The following CCZ1 variants were observed in gnomAD, a reference collection of about 807,000 sequenced individuals.
CCZ1 encodes the protein vacuolar fusion protein CCZ1 homolog.
In CCZ1, 19 loss-of-function variants were observed where a neutral mutation model predicts 57.8. That is an observed-to-expected ratio of 0.33 (90% CI 0.23 to 0.48). CCZ1 has a LOEUF of 0.48. Ranked by LOEUF, CCZ1 falls within the 20% of genes least tolerant of loss-of-function variation. CCZ1 has a pLI of 0.99. For synonymous variants in CCZ1, 81 were observed against 167.0 expected (o/e 0.49, Z 3.97); for missense variants, 200 against 492.0 (o/e 0.41, Z 5.61).
rs1193542913 is a variant in CCZ1, at chr7:5,901,648, C to T, written c.391-9C>T. The T allele has an allele frequency of 6.9e-6, 11 of 1,594,840 alleles. No homozygotes were observed. Among genetic ancestry groups the T allele is most frequent in the Middle Eastern group, 1.7e-4 (1 of 6,046 alleles). On this transcript the variant is annotated splice_polypyrimidine_tract_variant and intron_variant, in intron 4 of 14. Coordinates refer to ENST00000325974, the MANE Select transcript of CCZ1 (RefSeq NM_015622.6). ...AACTGAGCTGTGTGCTGTGTTTTCG[C>T]GTCTGCAGGACAAGGTTTATAGCTC...
At chr7:5,910,484 GC>G (rs1781943684) in intron 8 of CCZ1, among the ~76,000 whole-genome samples, 1 of 147,562 alleles carries the variant, frequency 6.8e-6, no homozygotes, top group African/African-American at 2.5e-5. Flanking sequence ...CTGCCACCAC[GC>G]CCAGCTAATT....
intron 12 of CCZ1, among the ~76,000 whole-genome samples, chr7:5,920,567 G>A (rs1291677749): frequency 8.3e-6 from 1 of 119,934 alleles, no homozygotes; most frequent in Non-Finnish European, 1.8e-5. Context: ...CGCCTCCCAG[G>A]CTCAAGCGAT....
Position 5,910,466 on chromosome 7 carries a change from A to G in CCZ1, c.780+350A>G, listed in dbSNP as rs1220035471. Among the ~76,000 whole-genome samples the G allele has an allele frequency of 2.0e-5, 3 of 148,622 alleles. 1 individual carries two copies. The highest frequency in any genetic ancestry group is 4.4e-5 in the Non-Finnish European group (3 of 67,618). On this transcript the variant is annotated intron_variant, in intron 8 of 14. Transcript: ENST00000325974. ...CTCGGCCTCCCAAGTACCTGGGATT[A>G]CAGGTGCCTGCCACCACGCCCAGCT...
At chr7:5,911,626 A>C (rs1365797008) in intron 8 of CCZ1, among the ~76,000 whole-genome samples, 1 of 149,158 alleles carries the variant, frequency 6.7e-6, no homozygotes, top group Non-Finnish European at 1.5e-5. Context: ...GTTTGGTCAC[A>C]CATGCCTCTA....
Position 5,908,696 on chromosome 7 carries a change from A to T in CCZ1, c.699-1339A>T, listed in dbSNP as rs958162426. Among the ~76,000 whole-genome samples the T allele has an allele frequency of 1.4e-5, 2 of 145,650 alleles. 1 individual carries two copies. The highest frequency in any genetic ancestry group is 3.0e-5 in the Non-Finnish European group (2 of 66,934). ...CGCCCGACCACCTTCACGGTATTTCAGTGATCTTGAATAGAAAACGCCCAG... is the reference window on the plus strand; with the variant it reads ...CGCCCGACCACCTTCACGGTATTTCTGTGATCTTGAATAGAAAACGCCCAG... On this transcript the variant is annotated intron_variant, in intron 7 of 14. Coordinates refer to ENST00000325974, the MANE Select transcript of CCZ1 (RefSeq NM_015622.6).
intron 12 of CCZ1, among the ~76,000 whole-genome samples, chr7:5,920,951 G>GTTT (rs201738735): frequency 0.011 from 926 of 83,768 alleles, 25 homozygotes; most frequent in African/African-American, 0.042. Context: ...TGTTTTTTGG[G>GTTT]TTTTTTTTTT....
intron 9 of CCZ1, among the ~76,000 whole-genome samples, chr7:5,912,376 C>CTTTTTT (rs1779057480): frequency 3.0e-5 from 3 of 99,848 alleles, no homozygotes; most frequent in Admixed American, 1.3e-4. Context: ...TTCAGCATAC[C>CTTTTTT]CTTTTTTTTT....
At chr7:5,900,760 C>T in intron 3 of CCZ1, 95 bp from the exon 4 acceptor site, 2 of 1,583,752 alleles carry the variant, frequency 1.3e-6, no homozygotes, top group Non-Finnish European at 1.7e-6. Flanking sequence ...AGCTATGTTT[C>T]TGATGCTGTA....
At chr7:5,899,310 GAAAT>G (rs1305695964) in intron 1 of CCZ1, among the ~76,000 whole-genome samples, 3 of 133,438 alleles carry the variant, frequency 2.2e-5, no homozygotes, top group Non-Finnish European at 4.9e-5. Flanking sequence ...CCCAAATGAG[GAAAT>G]AAATTAATTT....
chr7:5,899,380 TG>T (rs1781631318), intron 1 of CCZ1, among the ~76,000 whole-genome samples: 2 of 95,412 alleles, frequency 2.1e-5, no homozygotes, highest in Non-Finnish European at 4.6e-5. Flanking sequence ...TGTGTGTGTG[TG>T]TGGTTTTTCT....
chr7:5,914,089 T>C (rs1234665867), intron 10 of CCZ1, among the ~76,000 whole-genome samples: 1 of 146,806 alleles, frequency 6.8e-6, no homozygotes, highest in Non-Finnish European at 1.5e-5. Flanking sequence ...GAAACATGAT[T>C]CCGAGGACAG....
chr7:5,907,068 C>T (rs1336814828), intron 7 of CCZ1, among the ~76,000 whole-genome samples: 2 of 149,174 alleles, frequency 1.3e-5, no homozygotes, highest in South Asian at 4.4e-4. Context: ...ACCATGTTGG[C>T]CAGGCTGGTC....
At chr7:5,915,603 T>C (rs1779132894) in intron 10 of CCZ1, among the ~76,000 whole-genome samples, 1 of 151,164 alleles carries the variant, frequency 6.6e-6, no homozygotes, top group Non-Finnish European at 1.5e-5. Context: ...TACAGTTCAG[T>C]GATTTCTAGT....
chr7:5,914,544 C>A (rs1779110186), intron 10 of CCZ1, among the ~76,000 whole-genome samples: 1 of 148,150 alleles, frequency 6.7e-6, no homozygotes, highest in Non-Finnish European at 1.5e-5. Context: ...GCGTAGAGTT[C>A]TTTGCCATGC....
intron 12 of CCZ1, among the ~76,000 whole-genome samples, chr7:5,920,412 G>A (rs1193785738): frequency 2.5e-5 from 3 of 120,976 alleles, no homozygotes; most frequent in South Asian, 2.3e-4. Context: ...TGGGAGAGGC[G>A]GGATTCACTC....
At chr7:5,911,377 C>A (rs62453611) in intron 8 of CCZ1, among the ~76,000 whole-genome samples, 1 of 148,634 alleles carries the variant, frequency 6.7e-6, no homozygotes, top group Non-Finnish European at 1.5e-5. Context: ...TTTGTTGACT[C>A]GCATGGTCTC....
chr7:5,913,940 G>C (rs1279599078), intron 10 of CCZ1, among the ~76,000 whole-genome samples: 1 of 133,198 alleles, frequency 7.5e-6, no homozygotes, highest in African/African-American at 2.7e-5. Context: ...ATGAGGCCCT[G>C]CTCATTCTGG....
chr7:5,920,958 T>G (rs1441023550), intron 12 of CCZ1, among the ~76,000 whole-genome samples: 40 of 109,802 alleles, frequency 3.6e-4, no homozygotes, highest in African/African-American at 1.3e-3. Flanking sequence ...TGGGTTTTTT[T>G]TTTTTTTTTT....
At chr7:5,922,750 G>GC (rs1438735076) in intron 12 of CCZ1, among the ~76,000 whole-genome samples, 2 of 149,838 alleles carry the variant, frequency 1.3e-5, no homozygotes, top group Non-Finnish European at 3.0e-5. Flanking sequence ...ATGAGGGAAA[G>GC]CTTCGTTACA....
Sources: allele counts gnomAD v4.1 joint callset (sites outside exome capture counted in the v4.1 genomes callset), GRCh38; gene constraint gnomAD v4.1.1; transcripts MANE v1.5; gene names NCBI Gene and HGNC (gene_info 2026-07-23, HGNC 2026-07-21).